The following SLC24A3 variants were observed in gnomAD, a reference collection of about 807,000 sequenced individuals.
The protein encoded by SLC24A3 is sodium/potassium/calcium exchanger 3.
In SLC24A3, 28 loss-of-function variants were observed where a neutral mutation model predicts 75.8. The ratio of observed to expected loss-of-function variants is 0.37; its 90% CI spans 0.27 to 0.51. SLC24A3 has a LOEUF of 0.51. SLC24A3 is among the 20% of genes least tolerant of loss of function. The pLI, the probability that SLC24A3 is intolerant of heterozygous loss-of-function variation, is 0.94. For synonymous variants in SLC24A3, 372 were observed against 334.1 expected, an observed-to-expected ratio of 1.11 and a Z score of -1.24; for missense variants, 663 against 847.8, an observed-to-expected ratio of 0.78 and a Z score of 2.71.
At chr20:19,461,109 A>T (rs3790218) in intron 2 of SLC24A3, among the ~76,000 whole-genome samples, 20 of 151,918 alleles carry the variant, frequency 1.3e-4, no homozygotes, top group Non-Finnish European at 2.4e-4. Flanking sequence ...ATCTGGAGAA[A>T]GCCCCTGATC....
intron 7 of SLC24A3, among the ~76,000 whole-genome samples, chr20:19,660,289 C>A (rs909161967): frequency 3.3e-5 from 5 of 151,914 alleles, no homozygotes; most frequent in African/African-American, 1.2e-4. Flanking sequence ...CCCCTCCTCC[C>A]ACCCCCCCAC....
chr20:19,465,297 T>C (rs554136880), intron 2 of SLC24A3, among the ~76,000 whole-genome samples: 246 of 151,932 alleles, frequency 1.6e-3, no homozygotes, highest in Non-Finnish European at 2.6e-3. Flanking sequence ...GAGGACATCA[T>C]TGATAGCCAA....
At chr20:19,332,111 T>G (rs1985013974) in intron 2 of SLC24A3, among the ~76,000 whole-genome samples, 1 of 152,106 alleles carries the variant, frequency 6.6e-6, no homozygotes. Flanking sequence ...CCATCTAAGG[T>G]CTTGTCTGCC....
rs185025213 is a variant in SLC24A3 at position 19,222,192 on chromosome 20, C to T, written c.142+9208C>T. 7.9e-5 allele frequency among the ~76,000 whole-genome samples: 12 copies of T among 152,274 alleles called. No homozygotes were observed. In the East Asian group the frequency reaches 2.3e-3, roughly 29 times the overall value. On this transcript the variant is annotated intron_variant, in intron 1 of 16. Coordinates refer to ENST00000328041, the MANE Select transcript of SLC24A3 (RefSeq NM_020689.4). The stretch of plus-strand genomic sequence containing the variant: ...AGCATCCTGTTCCGCTTCAGTGGTA[C>T]AATATCATCTCCCATATCCCTAAGT...
chr20:19,357,030 G>A (rs1985698945), intron 2 of SLC24A3, among the ~76,000 whole-genome samples: 1 of 152,106 alleles, frequency 6.6e-6, no homozygotes, highest in Admixed American at 6.5e-5. Flanking sequence ...TATTTTGCAG[G>A]TGTGGTTCAG....
chr20:19,310,683 G>T (rs2122260256), intron 2 of SLC24A3, among the ~76,000 whole-genome samples: 1 of 152,336 alleles, frequency 6.6e-6, no homozygotes, highest in East Asian at 1.9e-4. Flanking sequence ...CTGTGCTGCA[G>T]TCATTCAGGG....
chr20:19,224,475 G>A (rs2122137739), intron 1 of SLC24A3, among the ~76,000 whole-genome samples: 1 of 152,256 alleles, frequency 6.6e-6, no homozygotes, highest in East Asian at 1.9e-4. Context: ...TTTTATTACT[G>A]TCAGGTATGG....
intron 15 of SLC24A3, among the ~76,000 whole-genome samples, chr20:19,701,947 ATG>A (rs2032879386): frequency 6.6e-6 from 1 of 152,238 alleles, no homozygotes; most frequent in African/African-American, 2.4e-5. Flanking sequence ...GAAACTTTCA[ATG>A]TCCTTCAGAT....
At chr20:19,266,252 C>T (rs1188983717) in intron 1 of SLC24A3, among the ~76,000 whole-genome samples, 1 of 152,158 alleles carries the variant, frequency 6.6e-6, no homozygotes, top group Non-Finnish European at 1.5e-5. Flanking sequence ...AGGCACATTT[C>T]TTATTACTCT....
chr20:19,366,933 G>A (rs564241453), intron 2 of SLC24A3, among the ~76,000 whole-genome samples: 9 of 152,204 alleles, frequency 5.9e-5, no homozygotes, highest in East Asian at 3.9e-4. Flanking sequence ...GGAAGTCCTC[G>A]AGTGGCTCAA....
At chr20:19,502,718 G>A (rs940635325) in intron 2 of SLC24A3, among the ~76,000 whole-genome samples, 1 of 151,794 alleles carries the variant, frequency 6.6e-6, no homozygotes, top group Non-Finnish European at 1.5e-5. Context: ...CATCCATGAA[G>A]TCAAATATAT....
At chr20:19,369,343 G>C (rs1319621839) in intron 2 of SLC24A3, among the ~76,000 whole-genome samples, 2 of 152,160 alleles carry the variant, frequency 1.3e-5, no homozygotes, top group African/African-American at 4.8e-5. Context: ...AACCCAAACT[G>C]AGGGGCATTC....
At chr20:19,586,118 T>C (rs1021051953) in intron 6 of SLC24A3, among the ~76,000 whole-genome samples, 1 of 152,172 alleles carries the variant, frequency 6.6e-6, no homozygotes, top group African/African-American at 2.4e-5. Context: ...GGTGGTGTCC[T>C]GCTATCTGAG....
At chr20:19,221,935 A>T (rs1040580092) in intron 1 of SLC24A3, among the ~76,000 whole-genome samples, 14 of 151,968 alleles carry the variant, frequency 9.2e-5, no homozygotes, top group Admixed American at 6.6e-5. Flanking sequence ...AATATTCTCC[A>T]TCCTAAGTAC....
intron 2 of SLC24A3, among the ~76,000 whole-genome samples, chr20:19,486,655 C>T (rs1953862212): frequency 1.3e-5 from 2 of 152,320 alleles, no homozygotes; most frequent in South Asian, 4.1e-4. Flanking sequence ...CACTGACCTC[C>T]ACTTCATGAG....
intron 2 of SLC24A3, among the ~76,000 whole-genome samples, chr20:19,316,116 T>G (rs541460071): frequency 6.6e-6 from 1 of 152,332 alleles, no homozygotes; most frequent in South Asian, 2.1e-4. Context: ...AACCACATAT[T>G]GCTAGCTCAG....
At chr20:19,418,167 A>G (rs781294277) in intron 2 of SLC24A3, among the ~76,000 whole-genome samples, 2 of 152,220 alleles carry the variant, frequency 1.3e-5, no homozygotes, top group South Asian at 2.1e-4. Flanking sequence ...GGCAGAAACC[A>G]AAGTGGAAAA....
chr20:19,366,727 G>T (rs1050883814), intron 2 of SLC24A3, among the ~76,000 whole-genome samples: 2 of 152,090 alleles, frequency 1.3e-5, no homozygotes, highest in Non-Finnish European at 2.9e-5. Context: ...AAAAAATAGG[G>T]GCTGACAATT....
intron 2 of SLC24A3, among the ~76,000 whole-genome samples, chr20:19,478,684 A>T (rs4814858): frequency 1.3e-5 from 2 of 151,890 alleles, no homozygotes; most frequent in Admixed American, 1.3e-4. Context: ...CACACTCGAG[A>T]GCTTTTATGC....
Sources: gnomAD v4.1 joint callset for allele counts (sites outside exome capture counted in the v4.1 genomes callset) on GRCh38, gnomAD v4.1.1 for gene constraint, MANE v1.5 for transcripts, NCBI Gene and HGNC (gene_info 2026-07-23, HGNC 2026-07-21) for gene names.